The following RSU1 variants were observed in gnomAD, a reference collection of about 807,000 sequenced individuals.
The protein encoded by RSU1 is rsu-1.
Under a neutral mutation model 31.1 loss-of-function variants are expected in RSU1, and 26 were observed. The ratio of observed to expected loss-of-function variants is 0.84; its 90% CI spans 0.61 to 1.16. The LOEUF is 1.16. Ranked by LOEUF, RSU1 falls within the 50% of genes most tolerant of loss-of-function variation. The pLI is 0.00. For missense variants in RSU1, 320 were observed against 339.1 expected (o/e 0.94, Z 0.44); for synonymous variants, 164 against 136.3 (o/e 1.20, Z -1.41).
chr10:16,658,045 C>T (rs1422756491), intron 8 of RSU1, among the ~76,000 whole-genome samples: 1 of 152,098 alleles, frequency 6.6e-6, no homozygotes, highest in Non-Finnish European at 1.5e-5. Context: ...TGACAAGATG[C>T]AACTTGATGC....
intron 3 of RSU1, among the ~76,000 whole-genome samples, chr10:16,779,467 G>C (rs1230279331): frequency 6.6e-6 from 1 of 152,152 alleles, no homozygotes; most frequent in Non-Finnish European, 1.5e-5. Flanking sequence ...TAGATCTTAA[G>C]TCAGTGGAGT....
intron 8 of RSU1, among the ~76,000 whole-genome samples, chr10:16,664,796 C>A (rs564073628): frequency 1.3e-5 from 2 of 152,284 alleles, no homozygotes; most frequent in African/African-American, 4.8e-5. Context: ...AGACATAATA[C>A]CGGAAATAAA....
At chr10:16,678,992 A>C (rs1835279553) in intron 8 of RSU1, among the ~76,000 whole-genome samples, 1 of 152,248 alleles carries the variant, frequency 6.6e-6, no homozygotes, top group African/African-American at 2.4e-5. Flanking sequence ...TTATTGGTTA[A>C]GGAAATGTTT....
chr10:16,698,847 A>C (rs936788841), intron 7 of RSU1, among the ~76,000 whole-genome samples: 2 of 152,216 alleles, frequency 1.3e-5, no homozygotes, highest in African/African-American at 4.8e-5. Context: ...ACCCATCTGC[A>C]TATTTTAGCT....
intron 8 of RSU1, among the ~76,000 whole-genome samples, chr10:16,628,677 A>G (rs1439839916): frequency 1.3e-5 from 2 of 152,192 alleles, no homozygotes; most frequent in East Asian, 3.9e-4. Flanking sequence ...TTTACTTTGT[A>G]GTTGTTTTAT....
At chr10:16,754,608 G>C (rs1837046501) in intron 5 of RSU1, among the ~76,000 whole-genome samples, 1 of 150,306 alleles carries the variant, frequency 6.7e-6, no homozygotes, top group African/African-American at 2.4e-5. Flanking sequence ...CTAAATGTGA[G>C]GCTTGATCTC....
chr10:16,714,252 G>C (rs74125842), intron 7 of RSU1, among the ~76,000 whole-genome samples: 2,960 of 152,264 alleles, frequency 0.019, 82 homozygotes, highest in African/African-American at 0.063. Context: ...CTGCACATAG[G>C]TGCAGCTGTG....
At chr10:16,768,160 C>T (rs921229355) in intron 3 of RSU1, among the ~76,000 whole-genome samples, 1 of 152,208 alleles carries the variant, frequency 6.6e-6, no homozygotes, top group East Asian at 1.9e-4. Flanking sequence ...ACCAAAGGAA[C>T]TAAAGAGCAA....
intron 8 of RSU1, among the ~76,000 whole-genome samples, chr10:16,626,396 C>G (rs1217622654): frequency 1.3e-5 from 2 of 152,010 alleles, no homozygotes; most frequent in African/African-American, 4.8e-5. Context: ...CCCTATGTTG[C>G]CCAGGCTGGT....
chr10:16,732,792 C>T (rs574955783), intron 7 of RSU1, among the ~76,000 whole-genome samples: 1 of 152,266 alleles, frequency 6.6e-6, no homozygotes, highest in African/African-American at 2.4e-5. Context: ...AGAAACAGAA[C>T]TGGGTCATAC....
chr10:16,778,502 G>T (rs540912973), intron 3 of RSU1, among the ~76,000 whole-genome samples: 2 of 152,246 alleles, frequency 1.3e-5, no homozygotes, highest in Admixed American at 6.5e-5. Flanking sequence ...AATATGAAAT[G>T]ATCCATGCTT....
intron 3 of RSU1, among the ~76,000 whole-genome samples, chr10:16,776,349 A>C (rs1024254739): frequency 6.6e-6 from 1 of 152,230 alleles, no homozygotes; most frequent in Non-Finnish European, 1.5e-5. Context: ...ATAAAATTTA[A>C]AAGTATTAAA....
chr10:16,713,306 C>A (rs954823910), intron 7 of RSU1, among the ~76,000 whole-genome samples: 2 of 152,194 alleles, frequency 1.3e-5, no homozygotes, highest in African/African-American at 4.8e-5. Context: ...CTTTCTCCAA[C>A]TCTTCTCCCT....
rs139330900 is a variant in RSU1, at chr10:16,593,301, C to G, written c.*93G>C. 7.6e-6 allele frequency: 12 copies of G among 1,570,086 alleles called. No homozygotes were observed. Among genetic ancestry groups the G allele is most frequent in the East Asian group, 2.3e-5 (1 of 44,072 alleles). On this transcript the variant is annotated 3_prime_UTR_variant, in exon 9 of 9. Coordinates refer to ENST00000345264, the MANE Select transcript of RSU1 (RefSeq NM_012425.4). Reference sequence around the variant, plus strand: ...AAAGAAAAATAAAAAAGGCCTCACACGCAGCATTGGGTTTATTTGAGAGAC... The same window carrying G: ...AAAGAAAAATAAAAAAGGCCTCACAGGCAGCATTGGGTTTATTTGAGAGAC...
rs866492586 is a variant in RSU1 at position 16,747,615 on chromosome 10, G to C, written c.598+4924C>G. Among the ~76,000 whole-genome samples the C allele has an allele frequency of 2.0e-5, 3 of 152,308 alleles. No homozygotes were observed. The South Asian group carries it at 6.2e-4, about 32-fold the overall frequency. On this transcript the variant is annotated intron_variant, in intron 7 of 8. Coordinates refer to ENST00000345264, the MANE Select transcript of RSU1 (RefSeq NM_012425.4). ...CTACCACTACCAGTACCATCTGGAT[G>C]AAGCCAGCATCTACTCCCACCAGGA...
chr10:16,702,248 AG>A (rs1320139003), intron 7 of RSU1, among the ~76,000 whole-genome samples: 2 of 152,240 alleles, frequency 1.3e-5, no homozygotes, highest in Non-Finnish European at 2.9e-5. Context: ...AACCTCTACT[AG>A]GGCAGTGTGA....
At chr10:16,765,969 T>C (rs190333735) in intron 3 of RSU1, among the ~76,000 whole-genome samples, 6 of 152,340 alleles carry the variant, frequency 3.9e-5, no homozygotes, top group African/African-American at 1.4e-4. Flanking sequence ...AGACGACCAA[T>C]TGATAACTCC....
At chr10:16,672,811 T>C (rs1241658837) in intron 8 of RSU1, among the ~76,000 whole-genome samples, 2 of 152,328 alleles carry the variant, frequency 1.3e-5, no homozygotes, top group East Asian at 1.9e-4. Flanking sequence ...CTGTCTTAAG[T>C]TGATTGTTTT....
At chr10:16,813,894 G>C (rs1838465639) in intron 2 of RSU1, among the ~76,000 whole-genome samples, 1 of 152,178 alleles carries the variant, frequency 6.6e-6, no homozygotes, top group South Asian at 2.1e-4. Flanking sequence ...TGTCTCTAAG[G>C]AAGGGCTGCG....
Sources: gnomAD v4.1 joint callset for allele counts (sites outside exome capture counted in the v4.1 genomes callset) on GRCh38, gnomAD v4.1.1 for gene constraint, MANE v1.5 for transcripts, NCBI Gene and HGNC (gene_info 2026-07-23, HGNC 2026-07-21) for gene names.